WDR27: variants seen among roughly 807,000 people sequenced by gnomAD.
WDR27 encodes WD repeat domain 27, also known as WD repeat-containing protein 27.
A neutral mutation model predicts 114.4 loss-of-function variants in WDR27; 100 were observed. The observed-to-expected ratio is 0.87, with a 90% CI of 0.74 to 1.03. WDR27 has a LOEUF of 1.03. Among genes scored for constraint, WDR27 ranks in the 50% least tolerant of loss-of-function variants. The pLI is 0.00. For missense variants in WDR27, 1,129 were observed against 1,092.9 expected (o/e 1.03, Z -0.47); for synonymous variants, 449 against 423.1 (o/e 1.06, Z -0.75).
At chr6:169,634,379 A>C in intron 20 of WDR27, 49 bp downstream of exon 20, 2 of 1,391,124 alleles carry the variant, frequency 1.4e-6, no homozygotes, top group Non-Finnish European at 2.0e-6. Context: ...CTGCCAGAGG[A>C]ACAACACTCA....
intron 25 of WDR27, among the ~76,000 whole-genome samples, chr6:169,497,028 T>C (rs1382609130): frequency 6.6e-6 from 1 of 152,066 alleles, no homozygotes; most frequent in Non-Finnish European, 1.5e-5. Flanking sequence ...CACTTTCTAA[T>C]TTCACACATT....
chr6:169,627,236 A>G (rs2128208279), intron 21 of WDR27, among the ~76,000 whole-genome samples: 1 of 152,358 alleles, frequency 6.6e-6, no homozygotes, highest in East Asian at 1.9e-4. Context: ...AAATAAATGT[A>G]TTACAATCAA....
intron 2 of WDR27, among the ~76,000 whole-genome samples, chr6:169,679,162 T>G (rs1585114339): frequency 1.3e-5 from 2 of 152,172 alleles, no homozygotes; most frequent in East Asian, 3.9e-4. Flanking sequence ...ATCAATGTAT[T>G]TCTTAAGTGT....
chr6:169,490,952 C>T (rs1789671793), intron 25 of WDR27, among the ~76,000 whole-genome samples: 1 of 152,088 alleles, frequency 6.6e-6, no homozygotes, highest in Non-Finnish European at 1.5e-5. Flanking sequence ...CAATGCCACA[C>T]CCTACTTTCA....
At position 169,483,463 on chromosome 6, in the gene WDR27, C is replaced by A. The variant is rs192014784; in HGVS notation, c.2646-25829G>T. ...CCTGGGCACATACATCCTCCCAAGA[C>A]TAAACCAGAAAGAATCTGAACCAAT... On this transcript the variant is annotated intron_variant, in intron 25 of 25. Coordinates refer to ENST00000448612, the MANE Select transcript of WDR27 (RefSeq NM_182552.5). Among the ~76,000 whole-genome samples the A allele has an allele frequency of 7.9e-5, 12 of 152,264 alleles. No homozygotes were observed. The East Asian group carries it at 2.3e-3, about 29-fold the overall frequency.
intron 23 of WDR27, among the ~76,000 whole-genome samples, chr6:169,593,028 A>T (rs1307184600): frequency 6.6e-6 from 1 of 152,204 alleles, no homozygotes; most frequent in Non-Finnish European, 1.5e-5. Flanking sequence ...ATGATAAATT[A>T]TTGTTAATGC....
At chr6:169,562,384 A>G (rs890413982) in intron 25 of WDR27, among the ~76,000 whole-genome samples, 1 of 152,242 alleles carries the variant, frequency 6.6e-6, no homozygotes, top group Admixed American at 6.5e-5. Flanking sequence ...CAGCACACTA[A>G]TTTTAGATAA....
intron 24 of WDR27, among the ~76,000 whole-genome samples, chr6:169,575,222 C>G (rs867793816): frequency 1.6e-4 from 23 of 147,558 alleles, no homozygotes; most frequent in African/African-American, 5.1e-4. Flanking sequence ...ATCCATCCAT[C>G]CATCTCTCTC....
intron 2 of WDR27, among the ~76,000 whole-genome samples, chr6:169,683,268 T>C (rs1782007668): frequency 6.6e-6 from 1 of 152,088 alleles, no homozygotes; most frequent in African/African-American, 2.4e-5. Flanking sequence ...AATCAAACTT[T>C]CAAAGGTCAA....
At chr6:169,616,879 T>A (rs960332281) in intron 21 of WDR27, among the ~76,000 whole-genome samples, 1 of 152,092 alleles carries the variant, frequency 6.6e-6, no homozygotes, top group East Asian at 1.9e-4. Flanking sequence ...AAAGCATACA[T>A]CTGAAGCTTG....
chr6:169,674,185 T>A (rs1447681507), intron 2 of WDR27, among the ~76,000 whole-genome samples: 2 of 152,052 alleles, frequency 1.3e-5, no homozygotes, highest in East Asian at 3.9e-4. Context: ...AACAACCAGG[T>A]ATTCAAGGAG....
At chr6:169,449,790 A>C in the WDR27 span, among the ~76,000 whole-genome samples, 360 of 152,284 alleles carry the variant, frequency 2.4e-3, 3 homozygotes, top group African/African-American at 7.8e-3. Flanking sequence ...AATGCAGGGA[A>C]CACAGTCACA....
chr6:169,597,722 T>C (rs1316910198), intron 23 of WDR27, among the ~76,000 whole-genome samples: 3 of 152,122 alleles, frequency 2.0e-5, no homozygotes, highest in Non-Finnish European at 2.9e-5. Context: ...AGCTCCAGAA[T>C]TGAATAAAAT....
intron 25 of WDR27, among the ~76,000 whole-genome samples, chr6:169,499,775 C>T (rs1400604061): frequency 6.6e-6 from 1 of 152,224 alleles, no homozygotes; most frequent in Non-Finnish European, 1.5e-5. Context: ...CACCTGAGCT[C>T]CTCTTCTAGA....
intron 25 of WDR27, among the ~76,000 whole-genome samples, chr6:169,458,995 T>C (rs1226633666): frequency 5.3e-5 from 8 of 152,096 alleles, no homozygotes; most frequent in African/African-American, 1.9e-4. Context: ...GGGAGAACTT[T>C]ACTTCAGAAT....
chr6:169,433,726 G>A, the WDR27 span, among the ~76,000 whole-genome samples: 126,608 of 152,234 alleles, frequency 0.83, 53,718 homozygotes, highest in African/African-American at 0.94. Context: ...AAGTGTTCCT[G>A]TTTCTCCACA....
chr6:169,502,745 G>A (rs888531353), intron 25 of WDR27, among the ~76,000 whole-genome samples: 1 of 152,116 alleles, frequency 6.6e-6, no homozygotes, highest in Non-Finnish European at 1.5e-5. Flanking sequence ...TCATCTCCAG[G>A]TCAGCCGATC....
rs183102326 is a variant in WDR27, at chr6:169,614,215, C to G, written c.2224-559G>C. ...CTGAACTCAGCTCCATCTACAGAACCATTTGACACAAAACATCACCTAAAC... is the reference window on the plus strand; with the variant it reads ...CTGAACTCAGCTCCATCTACAGAACGATTTGACACAAAACATCACCTAAAC... On this transcript the variant is annotated intron_variant, in intron 21 of 25. Coordinates refer to ENST00000448612, the MANE Select transcript of WDR27 (RefSeq NM_182552.5). Among the ~76,000 whole-genome samples the G allele has an allele frequency of 3.0e-3, 458 of 152,292 alleles. 5 individuals are homozygous for G. Among genetic ancestry groups the G allele is most frequent in the African/African-American group, 0.01 (434 of 41,560 alleles).
chr6:169,692,381 G>A (rs762905363), intron 1 of WDR27, among the ~76,000 whole-genome samples: 6 of 152,214 alleles, frequency 3.9e-5, no homozygotes, highest in Admixed American at 6.5e-5. Flanking sequence ...AGAATCAGGA[G>A]TGGGTAAAAG....
Sources: allele counts gnomAD v4.1 joint callset (sites outside exome capture counted in the v4.1 genomes callset), GRCh38; gene constraint gnomAD v4.1.1; transcripts MANE v1.5; gene names NCBI Gene and HGNC (gene_info 2026-07-23, HGNC 2026-07-21).